The following ALK variants were observed in gnomAD, a reference collection of about 807,000 sequenced individuals.
ALK encodes ALK receptor tyrosine kinase.
ALK carries 74 observed loss-of-function variants against 163.1 expected under a neutral mutation model. The ratio of observed to expected loss-of-function variants is 0.45; its 90% CI spans 0.38 to 0.55. The LOEUF is 0.55. Ranked by LOEUF, ALK falls within the 20% of genes least tolerant of loss-of-function variation. The pLI, the probability that ALK is intolerant of heterozygous loss-of-function variation, is 0.00. For missense variants in ALK, 2,063 were observed against 2,105.3 expected (o/e 0.98, Z 0.39); for synonymous variants, 960 against 843.2 (o/e 1.14, Z -2.40).
rs758695651 is a variant in ALK at position 29,209,894 on chromosome 2, A to C, written c.3744-16T>G. 1.2e-5 allele frequency: 20 copies of C among 1,606,906 alleles called. No homozygotes were observed. The highest frequency in any genetic ancestry group is 1.7e-5 in the Non-Finnish European group (20 of 1,173,448). ...AGCAATGTCTCTGGGAAGAAAGGAA[A>C]TGCATTTCCTAATTTTATCCCTAGG... On this transcript the variant is annotated splice_polypyrimidine_tract_variant and intron_variant, in intron 24 of 28. Coordinates refer to ENST00000389048, the MANE Select transcript of ALK (RefSeq NM_004304.5).
intron 4 of ALK, among the ~76,000 whole-genome samples, chr2:29,394,759 G>C (rs1276785082): frequency 6.6e-6 from 1 of 152,210 alleles, no homozygotes; most frequent in African/African-American, 2.4e-5. Context: ...CCAGCAGCCA[G>C]TGGGAATCTG....
chr2:29,826,306 A>T (rs1665197282), intron 1 of ALK, among the ~76,000 whole-genome samples: 1 of 152,142 alleles, frequency 6.6e-6, no homozygotes, highest in South Asian at 2.1e-4. Flanking sequence ...GTGAAAAATC[A>T]AGCAAAAATA....
At chr2:29,590,270 C>G (rs1040175867) in intron 3 of ALK, among the ~76,000 whole-genome samples, 1 of 152,146 alleles carries the variant, frequency 6.6e-6, no homozygotes, top group African/African-American at 2.4e-5. Context: ...TGATTGAAAA[C>G]GGGTCACTAA....
At chr2:29,815,252 G>A (rs1353025432) in intron 1 of ALK, among the ~76,000 whole-genome samples, 2 of 151,804 alleles carry the variant, frequency 1.3e-5, no homozygotes, top group African/African-American at 4.8e-5. Flanking sequence ...TAACTTGCAA[G>A]TTGTGAGGAC....
chr2:29,708,225 G>A (rs1249465098), intron 2 of ALK, among the ~76,000 whole-genome samples: 6 of 152,130 alleles, frequency 3.9e-5, no homozygotes, highest in African/African-American at 1.2e-4. Context: ...CTGCCACCAT[G>A]CCCGGCTAAT....
chr2:29,501,435 T>G lies in ALK; in HGVS notation c.1154+30480A>C, dbSNP rs575350979. On this transcript the variant is annotated intron_variant, in intron 4 of 28. Transcript: ENST00000389048. The stretch of plus-strand genomic sequence containing the variant: ...AACTGTCCTTGAAACTCTCCGACGC[T>G]TCATTTCCATGTCCTTACTGGTTTG... Among the ~76,000 whole-genome samples the G allele has an allele frequency of 2.0e-5, 3 of 152,350 alleles. 1 individual carries two copies. In the East Asian group the frequency reaches 5.8e-4, roughly 29 times the overall value.
intron 3 of ALK, among the ~76,000 whole-genome samples, chr2:29,651,159 A>G (rs1677025149): frequency 6.6e-6 from 1 of 152,114 alleles, no homozygotes; most frequent in Non-Finnish European, 1.5e-5. Context: ...GAGTGCCACT[A>G]AAGAGATCTC....
chr2:29,605,138 T>C (rs1026539657), intron 3 of ALK, among the ~76,000 whole-genome samples: 12 of 152,122 alleles, frequency 7.9e-5, no homozygotes, highest in Admixed American at 6.5e-4. Context: ...TGGAAGACAG[T>C]TTTTCCACGG....
At chr2:29,452,780 T>C (rs1013733800) in intron 4 of ALK, among the ~76,000 whole-genome samples, 5 of 152,176 alleles carry the variant, frequency 3.3e-5, no homozygotes, top group African/African-American at 1.2e-4. Flanking sequence ...AGATGCCCAC[T>C]TGATATGATG....
chr2:29,859,511 G>A (rs1437545839), intron 1 of ALK, among the ~76,000 whole-genome samples: 2 of 152,218 alleles, frequency 1.3e-5, no homozygotes, highest in Non-Finnish European at 2.9e-5. Context: ...TCCAAAAAAT[G>A]GAGGGATCAG....
At position 29,920,345 on chromosome 2, in the gene ALK, C is replaced by T. The variant is rs897667874; in HGVS notation, c.315G>A (p.Ala105=). 2.3e-5 allele frequency: 35 copies of T among 1,551,296 alleles called. No individual in the cohort carries two copies. The African/African-American group carries it at 4.5e-4, about 20-fold the overall frequency. ...AACCGGCGGTCCAGGAGACCCCCGG[C>T]GCCGGCCCCAGCAACCTGAGCAGCG... ...CAPLLRLLGP[A]PGVSWTAGSP... is the part of the protein sequence containing the mutation. Residue 105 remains alanine, a synonymous_variant, in exon 1 of 29, where the codon GCG becomes GCA. Transcript: ENST00000389048.
intron 4 of ALK, among the ~76,000 whole-genome samples, chr2:29,437,476 G>T (rs185304886): frequency 2.0e-5 from 3 of 152,262 alleles, no homozygotes; most frequent in Admixed American, 2.0e-4. Context: ...GACAAAGCGA[G>T]GCCACTTCTA....
rs76625855 is a variant in ALK at position 29,835,403 on chromosome 2, C to T, written c.667+84590G>A. Among the ~76,000 whole-genome samples the T allele has an allele frequency of 2.8e-4, 42 of 152,290 alleles. No homozygotes were observed. The East Asian group carries it at 7.3e-3, about 27-fold the overall frequency. ...GTGCATTTCTTCCATGCCATTCTTA[C>T]AAGAGACAAGAAACGATGTGTCTTC... On this transcript the variant is annotated intron_variant, in intron 1 of 28. Transcript: ENST00000389048.
chr2:29,831,259 G>GGAAGAGGAA (rs1665405769), intron 1 of ALK, among the ~76,000 whole-genome samples: 3 of 28,130 alleles, frequency 1.1e-4, no homozygotes, highest in African/African-American at 3.3e-4. Context: ...AAGAGGAAGA[G>GGAAGAGGAA]GAAGAAGAAG....
chr2:29,610,665 A>G (rs1183226418), intron 3 of ALK, among the ~76,000 whole-genome samples: 1 of 152,170 alleles, frequency 6.6e-6, no homozygotes, highest in East Asian at 1.9e-4. Context: ...TAGCTCTACA[A>G]AAATAAGATC....
intron 1 of ALK, among the ~76,000 whole-genome samples, chr2:29,807,262 G>T (rs984855087): frequency 6.6e-6 from 1 of 152,174 alleles, no homozygotes; most frequent in Non-Finnish European, 1.5e-5. Flanking sequence ...GGGAGGAGAC[G>T]AATCTCTCCC....
intron 4 of ALK, among the ~76,000 whole-genome samples, chr2:29,451,458 C>A (rs2148092471): frequency 6.6e-6 from 1 of 152,314 alleles, no homozygotes; most frequent in East Asian, 1.9e-4. Flanking sequence ...ATCTCCCTTT[C>A]ACATTCTCCT....
intron 5 of ALK, among the ~76,000 whole-genome samples, chr2:29,380,470 G>GCC (rs1668868799): frequency 1.3e-5 from 2 of 151,996 alleles, no homozygotes; most frequent in African/African-American, 4.8e-5. Flanking sequence ...CCAGGCTGGA[G>GCC]TGCAATGGTG....
intron 25 of ALK, among the ~76,000 whole-genome samples, chr2:29,209,021 G>C (rs558939401): frequency 6.6e-6 from 1 of 152,272 alleles, no homozygotes; most frequent in African/African-American, 2.4e-5. Context: ...ACATCTCCTG[G>C]GGTGGCTAAA....
Sources: allele counts gnomAD v4.1 joint callset (sites outside exome capture counted in the v4.1 genomes callset), GRCh38; gene constraint gnomAD v4.1.1; transcripts MANE v1.5; gene names NCBI Gene and HGNC (gene_info 2026-07-23, HGNC 2026-07-21).